Variants in CDKN3 observed in about 807,000 individuals in gnomAD.
CDKN3 encodes the protein cyclin-dependent kinase inhibitor 3.
Under a neutral mutation model 36.1 loss-of-function variants are expected in CDKN3, and 19 were observed. The ratio of observed to expected loss-of-function variants is 0.53; its 90% CI spans 0.37 to 0.77. The LOEUF (loss-of-function observed/expected upper bound fraction) is 0.77. Among genes scored for constraint, CDKN3 ranks in the 30% least tolerant of loss-of-function variants. The pLI, the probability that CDKN3 is intolerant of heterozygous loss-of-function variation, is 0.00. For missense variants in CDKN3, 188 were observed against 248.6 expected (o/e 0.76, Z 1.64); for synonymous variants, 71 against 85.3 (o/e 0.83, Z 0.92).
chr14:54,408,371 G>A (rs571276459), intron 3 of CDKN3, among the ~76,000 whole-genome samples: 12 of 152,306 alleles, frequency 7.9e-5, no homozygotes, highest in South Asian at 4.1e-4. Context: ...CACACTTTGC[G>A]AAGCCCTCAT....
intron 5 of CDKN3, among the ~76,000 whole-genome samples, chr14:54,415,141 T>C (rs1310094122): frequency 3.3e-5 from 5 of 152,242 alleles, no homozygotes; most frequent in Non-Finnish European, 7.3e-5. Context: ...CTTAAATGAA[T>C]AGTTTTGCTA....
At chr14:54,410,121 A>T (rs1357067464) in intron 4 of CDKN3, among the ~76,000 whole-genome samples, 1 of 152,190 alleles carries the variant, frequency 6.6e-6, no homozygotes, top group Non-Finnish European at 1.5e-5. Flanking sequence ...AGCATTTTCT[A>T]TAAAAACAGT....
In CDKN3 at chr14:54,420,167, A is replaced by G. The variant is rs976961199; in HGVS notation, c.*89A>G. On this transcript the variant is annotated 3_prime_UTR_variant, in exon 8 of 8. Coordinates refer to ENST00000335183, the MANE Select transcript of CDKN3 (RefSeq NM_005192.4). ...TGAAATGAAACCACCAGTGTTATCA[A>G]CTTGAATGTAAATGTACATGTGCAG... The G allele has an allele frequency of 4.3e-6, 3 of 704,236 alleles. No homozygotes were observed. The East Asian group carries it at 8.2e-5, about 19-fold the overall frequency. 43.6% of individuals were successfully genotyped at this position (704,236 alleles called of 1,614,324 possible). A position where few individuals can be genotyped will look rare whatever the true frequency, so the allele number is the denominator to read the frequency against.
intron 7 of CDKN3, 71 bp from the exon 8 acceptor site, chr14:54,419,921 C>G: frequency 1.2e-6 from 1 of 809,726 alleles, no homozygotes; most frequent in South Asian, 1.5e-5. Context: ...TTCCTGATAC[C>G]TGCTAATATT....
At chr14:54,415,037 A>G (rs1566710093) in intron 5 of CDKN3, among the ~76,000 whole-genome samples, 1 of 149,878 alleles carries the variant, frequency 6.7e-6, no homozygotes, top group African/African-American at 2.5e-5. Context: ...ATTGATGTCC[A>G]TAACGATAAG....
chr14:54,416,519 C>T (rs2030555915), intron 6 of CDKN3, among the ~76,000 whole-genome samples: 3 of 152,224 alleles, frequency 2.0e-5, no homozygotes, highest in Non-Finnish European at 2.9e-5. Flanking sequence ...TCTTACAACT[C>T]AGTAATAAAG....
intron 6 of CDKN3, among the ~76,000 whole-genome samples, chr14:54,416,828 T>A (rs1019171017): frequency 6.6e-6 from 1 of 151,468 alleles, no homozygotes; most frequent in African/African-American, 2.4e-5. Flanking sequence ...AAAGAAAAAA[T>A]AATAATAATA....
chr14:54,404,957 G>A (rs1471819369), intron 3 of CDKN3, among the ~76,000 whole-genome samples: 6 of 152,194 alleles, frequency 3.9e-5, no homozygotes, highest in African/African-American at 1.4e-4. Flanking sequence ...CAATTGTGAT[G>A]TTAGGGTGTC....
chr14:54,419,556 AC>A (rs2030659880), intron 7 of CDKN3, among the ~76,000 whole-genome samples: 1 of 152,256 alleles, frequency 6.6e-6, no homozygotes. Context: ...TTATGTCATC[AC>A]AAAAAAGCAG....
intron 3 of CDKN3, among the ~76,000 whole-genome samples, chr14:54,407,697 C>T (rs937183586): frequency 3.9e-5 from 6 of 152,206 alleles, no homozygotes; most frequent in Non-Finnish European, 8.8e-5. Flanking sequence ...GCCCCTCCCC[C>T]CACCAAGCTG....
chr14:54,417,671 G>A (rs1171464288), intron 6 of CDKN3, among the ~76,000 whole-genome samples, 177 bp from the exon 7 acceptor site: 1 of 152,172 alleles, frequency 6.6e-6, no homozygotes, highest in African/African-American at 2.4e-5. Flanking sequence ...CAACCATACG[G>A]TCATTTAAGA....
At chr14:54,416,381 T>C (rs2030550737) in intron 6 of CDKN3, among the ~76,000 whole-genome samples, 1 of 152,196 alleles carries the variant, frequency 6.6e-6, no homozygotes, top group African/African-American at 2.4e-5. Flanking sequence ...TGTTGGATGA[T>C]ATCAAAATTG....
intron 3 of CDKN3, among the ~76,000 whole-genome samples, chr14:54,407,617 C>T (rs988839715): frequency 2.6e-5 from 4 of 152,226 alleles, no homozygotes; most frequent in African/African-American, 9.6e-5. Context: ...GCACCCAGTT[C>T]AAACTTCCGA....
Position 54,405,045 on chromosome 14 carries a change from C to T in CDKN3, c.148+3466C>T, listed in dbSNP as rs573575046. On this transcript the variant is annotated intron_variant, in intron 3 of 7. Coordinates refer to ENST00000335183, the MANE Select transcript of CDKN3 (RefSeq NM_005192.4). ...CCTCTAAACACTGCAGATTCTGGTA[C>T]ATTGTGTCTCTGTTCTCATTGGTTT... Among the ~76,000 whole-genome samples, 4 of 152,282 alleles carry T rather than the reference C, an allele frequency of 2.6e-5. No homozygotes were observed. The South Asian group carries it at 8.3e-4, about 32-fold the overall frequency.
chr14:54,399,754 T>C (rs1389791363), intron 1 of CDKN3, 140 bp from the exon 2 acceptor site: 1 of 646,270 alleles, frequency 1.5e-6, no homozygotes, highest in Non-Finnish European at 2.8e-6. Context: ...ATTATTAATA[T>C]TGCTGATCTC....
intron 1 of CDKN3, among the ~76,000 whole-genome samples, chr14:54,398,540 C>T (rs1886384205): frequency 1.3e-5 from 2 of 152,212 alleles, no homozygotes; most frequent in Admixed American, 1.3e-4. Context: ...GCCCACGTGG[C>T]AACAGCTTTA....
intron 3 of CDKN3, among the ~76,000 whole-genome samples, chr14:54,403,323 G>C (rs2030030823): frequency 6.6e-6 from 1 of 152,166 alleles, no homozygotes; most frequent in Non-Finnish European, 1.5e-5. Flanking sequence ...TTGTGAATGG[G>C]AGTTCACTCA....
intron 3 of CDKN3, among the ~76,000 whole-genome samples, chr14:54,402,300 A>ATGTG (rs1491262298): frequency 2.7e-5 from 3 of 110,288 alleles, no homozygotes; most frequent in East Asian, 2.5e-4. Context: ...ATTCCATGGC[A>ATGTG]TGTGTGTGCG....
intron 3 of CDKN3, among the ~76,000 whole-genome samples, chr14:54,407,537 C>T (rs1475539135): frequency 4.6e-5 from 7 of 152,270 alleles, no homozygotes; most frequent in East Asian, 1.9e-4. Context: ...TCAGAGATGC[C>T]CTGCCCAGAG....
Sources: gnomAD v4.1 joint callset for allele counts (sites outside exome capture counted in the v4.1 genomes callset) on GRCh38, gnomAD v4.1.1 for gene constraint, MANE v1.5 for transcripts, NCBI Gene and HGNC (gene_info 2026-07-23, HGNC 2026-07-21) for gene names.